The following OR2V1 variants were observed in gnomAD, a reference collection of about 807,000 sequenced individuals.
The protein encoded by OR2V1 is olfactory receptor 2V1.
A neutral mutation model predicts 15.0 loss-of-function variants in OR2V1; 18 were observed. The ratio of observed to expected loss-of-function variants is 1.20; its 90% CI spans 0.83 to 1.78. The LOEUF is 1.78. Ranked by LOEUF, OR2V1 falls within the 40% of genes most tolerant of loss-of-function variation. OR2V1 has a pLI of 0.00. For synonymous variants in OR2V1, 144 were observed against 146.1 expected (o/e 0.99, Z 0.10); for missense variants, 359 against 392.9 (o/e 0.91, Z 0.73).
At chr5:181,130,361 C>T (rs1762946123) in intron 1 of OR2V1, 146 bp from the exon 2 acceptor site, 2 of 396,840 alleles carry the variant, frequency 5.0e-6, no homozygotes, top group South Asian at 1.4e-4. Flanking sequence ...CCACGGCACC[C>T]TCAGCCTCCA....
At position 181,124,990 on chromosome 5, in the gene OR2V1, A is replaced by G; in HGVS notation, c.315T>C (p.Phe105=). The change falls in exon 4 of 4, where the codon TTT becomes TTC. Residue 105 remains phenylalanine, a synonymous_variant. Coordinates refer to ENST00000641551, the MANE Select transcript of OR2V1 (RefSeq NM_001258283.2). ...FVGCGIQIGF[F]VSLVGSEGLL... ...GCCCCTCAGATCCCACAAGAGAGAC[A>G]AAAAAGCCAATTTGTATGCCACAGC... The G allele has an allele frequency of 6.2e-7, 1 of 1,614,134 alleles. No individual in the cohort carries two copies. Among genetic ancestry groups the G allele is most frequent in the Non-Finnish European group, 8.5e-7 (1 of 1,180,036 alleles).
Position 181,124,579 on chromosome 5 carries a change from G to A in OR2V1, c.726C>T (p.Cys242=), listed in dbSNP as rs760669655. 6.2e-7 allele frequency: 1 copy of A among 1,613,162 alleles called. No individual in the cohort carries two copies. The highest frequency in any genetic ancestry group is 8.5e-7 in the Non-Finnish European group (1 of 1,179,438). ...GGGTGACAGCTGTTAGGTGGGAGGA[G>A]CAGGTGGCCAGGGCTTTTTTCCAGG... The part of the protein sequence containing the change: ...AQAWKKALAT[C]SSHLTAVTLF... The change falls in exon 4 of 4, where the codon TGC becomes TGT. Residue 242 remains cysteine, a synonymous_variant. Transcript: ENST00000641551.
At chr5:181,125,671 G>A (rs970753654) in intron 3 of OR2V1, among the ~76,000 whole-genome samples, 3 of 152,208 alleles carry the variant, frequency 2.0e-5, no homozygotes, top group African/African-American at 7.2e-5. Context: ...ATGCCTGAGA[G>A]ATCATTACAT....
chr5:181,125,509 CAG>C lies in OR2V1; in HGVS notation c.-21-186_-21-185del, dbSNP rs539096360. On this transcript the variant is annotated intron_variant, in intron 3 of 3. Coordinates refer to ENST00000641551, the MANE Select transcript of OR2V1 (RefSeq NM_001258283.2). ...ATCTGTATTTGTGCATATCCATACCCAGAGAGTGGACATAGGATCATTTCATG... is the reference window on the plus strand; with the variant it reads ...ATCTGTATTTGTGCATATCCATACCCAGAGTGGACATAGGATCATTTCATG... Among the ~76,000 whole-genome samples the C allele has an allele frequency of 2.4e-3, 367 of 152,306 alleles. 5 individuals are homozygous for C. The highest frequency in any genetic ancestry group is 6.5e-4 in the Non-Finnish European group (44 of 68,024).
rs960540965 is a variant in OR2V1, at chr5:181,123,949, A to T, written c.*408T>A. 2 of 156,444 alleles carry T rather than the reference A, an allele frequency of 1.3e-5. No individual in the cohort carries two copies. The highest frequency in any genetic ancestry group is 4.8e-5 in the African/African-American group (2 of 41,638). 9.7% of individuals were successfully genotyped at this position (156,444 alleles called of 1,614,324 possible). On this transcript the variant is annotated 3_prime_UTR_variant, in exon 4 of 4. Coordinates refer to ENST00000641551, the MANE Select transcript of OR2V1 (RefSeq NM_001258283.2). ...AACAGGAACCTAGAACTTAGTAAGCATCCAATAAAAGACAGCTATTACCAA... is the reference window on the plus strand; with the variant it reads ...AACAGGAACCTAGAACTTAGTAAGCTTCCAATAAAAGACAGCTATTACCAA...
rs574320317 is a variant in OR2V1, at chr5:181,126,979, C to T, written c.-21-1654G>A. ...GCTCTTCCCCAGGTCCCCCTCCCTC[C>T]CTGCTTCCTGTCTTTCCTCAAATGC... is the stretch of plus-strand genomic sequence containing the variant. On this transcript the variant is annotated intron_variant, in intron 3 of 3. Coordinates refer to ENST00000641551, the MANE Select transcript of OR2V1 (RefSeq NM_001258283.2). Among the ~76,000 whole-genome samples, 6 of 152,358 alleles carry T rather than the reference C, an allele frequency of 3.9e-5. No homozygotes were observed. The South Asian group carries it at 1.2e-3, about 32-fold the overall frequency.
Position 181,124,200 on chromosome 5 carries a change from C to T in OR2V1, c.*157G>A. The stretch of plus-strand genomic sequence containing the variant: ...ATCTTTTTTTCCTTTTTTTTTGGTA[C>T]AGAAATGTTCATAATGGCTTTTCTC... On this transcript the variant is annotated 3_prime_UTR_variant, in exon 4 of 4. Coordinates refer to ENST00000641551, the MANE Select transcript of OR2V1 (RefSeq NM_001258283.2). 1.7e-6 allele frequency: 1 copy of T among 594,692 alleles called. No homozygotes were observed. Among genetic ancestry groups the T allele is most frequent in the Non-Finnish European group, 2.6e-6 (1 of 385,130 alleles). The allele number at this position is 594,692 out of a possible 1,614,324, so 36.8% of individuals were successfully genotyped here.
At chr5:181,127,095 G>A (rs951984063) in intron 3 of OR2V1, among the ~76,000 whole-genome samples, 1 of 152,204 alleles carries the variant, frequency 6.6e-6, no homozygotes, top group East Asian at 1.9e-4. Flanking sequence ...GTTTCTCCAC[G>A]GCACTGGTGC....
At chr5:181,128,646 G>A (rs978986679) in intron 3 of OR2V1, among the ~76,000 whole-genome samples, 30 of 152,278 alleles carry the variant, frequency 2.0e-4, no homozygotes, top group African/African-American at 6.7e-4. Flanking sequence ...TCCCAGACTG[G>A]CCCTGCCTTG....
rs1156365876 is a variant in OR2V1, at chr5:181,123,819, G to A, written c.*538C>T. ...AAAAAGGCAAAGAACTGTCCAAAAAGAGTTATAGGGACTCAATTTCTGCCA... is the reference window on the plus strand; with the variant it reads ...AAAAAGGCAAAGAACTGTCCAAAAAAAGTTATAGGGACTCAATTTCTGCCA... On this transcript the variant is annotated 3_prime_UTR_variant, in exon 4 of 4. Coordinates refer to ENST00000641551, the MANE Select transcript of OR2V1 (RefSeq NM_001258283.2). 2.0e-5 allele frequency: 3 copies of A among 152,194 alleles called. No homozygotes were observed. Among genetic ancestry groups the A allele is most frequent in the Non-Finnish European group, 4.4e-5 (3 of 68,058 alleles). The allele number at this position is 152,194 out of a possible 1,614,324, so 9.4% of individuals were successfully genotyped here.
rs145342026 is a variant in OR2V1, at chr5:181,128,035, G to C, written c.-22+1485C>G. On this transcript the variant is annotated intron_variant, in intron 3 of 3. Transcript: ENST00000641551. ...ACTGTGCACTCAACCTCTCCCCTCAGCTGTGTCACGGGCTTGTTCCACCCG... is the reference window on the plus strand; with the variant it reads ...ACTGTGCACTCAACCTCTCCCCTCACCTGTGTCACGGGCTTGTTCCACCCG... Among the ~76,000 whole-genome samples, 471 of 152,044 alleles carry C rather than the reference G, an allele frequency of 3.1e-3. 3 individuals are homozygous for C. The highest frequency in any genetic ancestry group is 0.01 in the African/African-American group (432 of 41,442).
chr5:181,125,845 C>T (rs747527778), intron 3 of OR2V1, among the ~76,000 whole-genome samples: 6 of 152,124 alleles, frequency 3.9e-5, no homozygotes, highest in Non-Finnish European at 8.8e-5. Context: ...ATTAGCCAGG[C>T]GTGGTGGCGC....
chr5:181,123,672 A>C lies in OR2V1; in HGVS notation c.*685T>G, dbSNP rs1037918087. ...CCTCGTGATTTTGGGGGCCCAAGAT[A>C]TCCTCCTTTCATAACACACACAAAA... On this transcript the variant is annotated 3_prime_UTR_variant, in exon 4 of 4. Transcript: ENST00000641551. 6.6e-6 allele frequency: 1 copy of C among 152,202 alleles called. No homozygotes were observed. Among genetic ancestry groups the C allele is most frequent in the African/African-American group, 2.4e-5 (1 of 41,434 alleles). 9.4% of individuals were successfully genotyped at this position (152,202 alleles called of 1,614,324 possible).
At position 181,124,815 on chromosome 5, in the gene OR2V1, C is replaced by A; in HGVS notation, c.490G>T (p.Ala164Ser). ...IIDGVIQMVAAMGLPYCGSRS... is the reference protein window; with the variant it reads ...IIDGVIQMVASMGLPYCGSRS... ...GAGCCACAGTAAGGTAAGCCCATGGCTGCCACCATCTGAATCACTCCATCT... is the reference window on the plus strand; with the variant it reads ...GAGCCACAGTAAGGTAAGCCCATGGATGCCACCATCTGAATCACTCCATCT... Residue 164 changes from alanine (A) to serine (S), a missense_variant, in exon 4 of 4, where the codon GCC becomes TCC. Physicochemically the swap from Ala to Ser is moderately conservative, Grantham distance 99. Transcript: ENST00000641551. 6.3e-7 allele frequency: 1 copy of A among 1,593,146 alleles called. No individual in the cohort carries two copies.
Position 181,124,134 on chromosome 5 carries a change from G to T in OR2V1, c.*223C>A. On this transcript the variant is annotated 3_prime_UTR_variant, in exon 4 of 4. Transcript: ENST00000641551. ...TCATGGAGCTTTAGATTGACACATT[G>T]TGATCTTTACAAAATCCCTCAGAGC... The T allele has an allele frequency of 2.4e-6, 1 of 409,710 alleles. No individual in the cohort carries two copies. The highest frequency in any genetic ancestry group is 4.3e-6 in the Non-Finnish European group (1 of 234,132). The allele number at this position is 409,710 out of a possible 1,614,324, so 25.4% of individuals were successfully genotyped here.
At position 181,128,165 on chromosome 5, in the gene OR2V1, G is replaced by T. The variant is rs549740601; in HGVS notation, c.-22+1355C>A. ...TCCAGATTGACAGGTCACAACACTC[G>T]CATCATCCTGGACTCCTGTCCTCTC... On this transcript the variant is annotated intron_variant, in intron 3 of 3. Transcript: ENST00000641551. Among the ~76,000 whole-genome samples the T allele has an allele frequency of 2.7e-5, 4 of 150,688 alleles. No homozygotes were observed. In the East Asian group the frequency reaches 5.9e-4, roughly 22 times the overall value.
rs746501240 is a variant in OR2V1, at chr5:181,124,537, G to T, written c.768C>A (p.Ala256=). The T allele has an allele frequency of 1.4e-5, 23 of 1,613,268 alleles. No homozygotes were observed. Among genetic ancestry groups the T allele is most frequent in the Non-Finnish European group, 1.9e-5 (23 of 1,179,642 alleles). ...GCCTAGGCCTCAGGTACATGAACATGGCTGCCCCATAGAAGAGGGTGACAG... is the reference window on the plus strand; with the variant it reads ...GCCTAGGCCTCAGGTACATGAACATTGCTGCCCCATAGAAGAGGGTGACAG... The part of the protein sequence containing the change: ...LTAVTLFYGA[A]MFMYLRPRRY... The change falls in exon 4 of 4, where the codon GCC becomes GCA. Residue 256 remains alanine (A), a synonymous_variant. Coordinates refer to ENST00000641551, the MANE Select transcript of OR2V1 (RefSeq NM_001258283.2).
Position 181,124,315 on chromosome 5 carries a change from A to G in OR2V1, c.*42T>C, listed in dbSNP as rs149926483. 963 of 1,469,904 alleles carry G rather than the reference A, an allele frequency of 6.6e-4. 9 individuals carry two copies. The highest frequency in any genetic ancestry group is 1.9e-3 in the African/African-American group (137 of 70,964). The allele number at this position is 1,469,904 out of a possible 1,614,324, so 91.1% of individuals were successfully genotyped here. ...AAAGGTTGAGTGACTTCCCAATGTG[A>G]CACAGGCAAGAAGGGGCACAGCAGG... On this transcript the variant is annotated 3_prime_UTR_variant, in exon 4 of 4. Transcript: ENST00000641551.
In OR2V1 at chr5:181,124,383, G is replaced by T. The variant is rs145285637; in HGVS notation, c.922C>A (p.Arg308Ser). The change falls in exon 4 of 4, where the codon CGC (arginine) becomes AGC (serine). Residue 308 changes from arginine to serine, a missense_variant. Transcript: ENST00000641551. ...CAGTGCTGGCTGCCAATCCTGCAGCGGTCCAGCCCCTTCCTCAGTGCCCCC... is the reference window on the plus strand; with the variant it reads ...CAGTGCTGGCTGCCAATCCTGCAGCTGTCCAGCCCCTTCCTCAGTGCCCCC... ...VMGALRKGLD[R>S]CRIGSQH 8.8e-6 allele frequency: 14 copies of T among 1,594,086 alleles called. No individual in the cohort carries two copies. Among genetic ancestry groups the T allele is most frequent in the Admixed American group, 3.5e-5 (2 of 57,066 alleles).
Sources: gnomAD v4.1 joint callset for allele counts (sites outside exome capture counted in the v4.1 genomes callset) on GRCh38, gnomAD v4.1.1 for gene constraint, MANE v1.5 for transcripts, NCBI Gene and HGNC (gene_info 2026-07-23, HGNC 2026-07-21) for gene names.